ZNF69: variants seen among roughly 807,000 people sequenced by gnomAD.
ZNF69 encodes the protein ZNF3.
A neutral mutation model predicts 50.9 loss-of-function variants in ZNF69; 47 were observed. That is an observed-to-expected ratio of 0.92 (90% confidence interval 0.73 to 1.18). The LOEUF is 1.18. Among genes scored for constraint, ZNF69 ranks in the 50% most tolerant of loss-of-function variants. ZNF69 has a pLI of 0.00. For missense variants in ZNF69, 717 were observed against 675.1 expected, an observed-to-expected ratio of 1.06 and a Z score of -0.69; for synonymous variants, 216 against 223.1, an observed-to-expected ratio of 0.97 and a Z score of 0.29.
chr19:11,965,223 T>A, the ZNF69 span: 1 of 1,613,936 alleles, frequency 6.2e-7, no homozygotes, highest in Non-Finnish European at 8.5e-7. Flanking sequence ...TGCGTGTGCA[T>A]AGCCGGTTGT....
chr19:11,940,287 G>C, the ZNF69 span, among the ~76,000 whole-genome samples: 9 of 152,292 alleles, frequency 5.9e-5, no homozygotes, highest in South Asian at 1.9e-3. Flanking sequence ...GGAATTGGTG[G>C]GTTCTTGGTG....
At chr19:11,969,858 T>C in the ZNF69 span, among the ~76,000 whole-genome samples, 15 of 152,194 alleles carry the variant, frequency 9.9e-5, no homozygotes, top group African/African-American at 3.6e-4. Context: ...CAGGATGTCT[T>C]TGGGATGAGG....
chr19:11,956,999 C>T, the ZNF69 span, among the ~76,000 whole-genome samples: 1 of 152,128 alleles, frequency 6.6e-6, no homozygotes, highest in Admixed American at 6.5e-5. Flanking sequence ...AGATACAGTA[C>T]TCAGTGATGC....
the ZNF69 span, among the ~76,000 whole-genome samples, chr19:11,975,930 C>T: frequency 3.1e-4 from 47 of 151,500 alleles, no homozygotes; most frequent in Non-Finnish European, 5.6e-4. Context: ...TTAGGAATGT[C>T]CCATCTGCCC....
the ZNF69 span, chr19:11,947,089 C>G: frequency 9.2e-6 from 14 of 1,527,240 alleles, no homozygotes; most frequent in Non-Finnish European, 1.2e-5. Context: ...GTTTGGAGTC[C>G]ACAGCATCCT....
At chr19:11,966,772 G>T in the ZNF69 span, among the ~76,000 whole-genome samples, 1 of 152,124 alleles carries the variant, frequency 6.6e-6, no homozygotes, top group Non-Finnish European at 1.5e-5. Flanking sequence ...CAGAGATGCA[G>T]TTGCCTTATT....
the ZNF69 span, among the ~76,000 whole-genome samples, chr19:11,963,074 T>TGAGAGAGAGAGAGAGAGAGAGAGAGAGA: frequency 1.7e-3 from 231 of 134,230 alleles, 1 homozygote; most frequent in African/African-American, 7.4e-3. Flanking sequence ...GGTAGTTTGG[T>TGAGAGAGAGAGAGAGAGAGAGAGAGAGA]GAGAGAGAGA....
In ZNF69 at chr19:11,905,513, C is replaced by G. The variant is rs1972350557; in HGVS notation, c.1116C>G (p.Ala372=). 6.2e-7 allele frequency: 1 copy of G among 1,613,730 alleles called. No homozygotes were observed. Among genetic ancestry groups the G allele is most frequent in the African/African-American group, 1.3e-5 (1 of 74,808 alleles). Residue 372 remains alanine (A), a synonymous_variant, in exon 4 of 4, where the codon GCC becomes GCG. Transcript: ENST00000429654. The part of the protein sequence containing the change: ...CKICGKGFCS[A]NSFQRHEKTH... ...TATGTGGGAAAGGCTTTTGTTCTGC[C>G]AATTCATTTCAAAGACATGAAAAAA...
At chr19:11,918,820 C>A (rs932499378), downstream of ZNF69, among the ~76,000 whole-genome samples, 1 of 151,828 alleles carries the variant, frequency 6.6e-6, no homozygotes. Flanking sequence ...TATTTAAAAT[C>A]TTTAACAACT....
At chr19:11,966,277 G>C in the ZNF69 span, among the ~76,000 whole-genome samples, 19,138 of 152,114 alleles carry the variant, frequency 0.13, 2,212 homozygotes, top group African/African-American at 0.31. Flanking sequence ...TGTCTCACCT[G>C]CCATCCTGTC....
chr19:11,905,570 G>A lies in ZNF69; in HGVS notation c.1173G>A (p.Lys391=), dbSNP rs750554493. Reference sequence around the variant, plus strand: ...GTGGAGAGAAACCCTATAAATGCAAGCAATGTGGTAAAGCCTTCATTCATT... The same window carrying A: ...GTGGAGAGAAACCCTATAAATGCAAACAATGTGGTAAAGCCTTCATTCATT... ...THSGEKPYKC[K]QCGKAFIHSS... Residue 391 remains lysine, a synonymous_variant, in exon 4 of 4, where the codon AAG becomes AAA. Transcript: ENST00000429654. The A allele has an allele frequency of 1.9e-6, 3 of 1,613,646 alleles. No individual in the cohort carries two copies. Among genetic ancestry groups the A allele is most frequent in the African/African-American group, 1.3e-5 (1 of 74,770 alleles).
At chr19:11,896,580 G>C (rs1972126908) in intron 1 of ZNF69, among the ~76,000 whole-genome samples, 2 of 152,122 alleles carry the variant, frequency 1.3e-5, no homozygotes, top group African/African-American at 4.8e-5. Flanking sequence ...CGGCTCTCCT[G>C]TGTCTTCTTA....
chr19:11,924,795 C>G, the ZNF69 span, among the ~76,000 whole-genome samples: 1 of 152,168 alleles, frequency 6.6e-6, no homozygotes, highest in Non-Finnish European at 1.5e-5. Flanking sequence ...TCTGAAATTC[C>G]CTGCACACTC....
At chr19:11,976,957 G>T in the ZNF69 span, 2 of 1,580,624 alleles carry the variant, frequency 1.3e-6, no homozygotes, top group Non-Finnish European at 1.7e-6. Context: ...TGGAGTCCAC[G>T]GCAACTTCTT....
chr19:11,952,935 A>C, the ZNF69 span: 1 of 152,170 alleles, frequency 6.6e-6, no homozygotes, highest in Non-Finnish European at 1.5e-5. Context: ...TTAGCTGGGC[A>C]TCGTGGTGTG....
At chr19:11,976,555 CAAAAA>C in the ZNF69 span, among the ~76,000 whole-genome samples, 10 of 73,824 alleles carry the variant, frequency 1.4e-4, no homozygotes, top group East Asian at 4.0e-3. Context: ...GACTCTGTCT[CAAAAA>C]AAAAAAAAAA....
the ZNF69 span, among the ~76,000 whole-genome samples, chr19:11,974,061 C>CTTCTTTCTTTTCT: frequency 9.1e-4 from 131 of 144,244 alleles, 3 homozygotes; most frequent in African/African-American, 3.1e-3. Context: ...TCTTTCTTTC[C>CTTCTTTCTTTTCT]TTCTTTCTTT....
At chr19:11,974,126 T>TTTCTTTCTTTCTTTCTTTTCTTTC in the ZNF69 span, among the ~76,000 whole-genome samples, 1 of 55,088 alleles carries the variant, frequency 1.8e-5, no homozygotes, top group Non-Finnish European at 4.1e-5. Context: ...TCTTTCTTTC[T>TTTCTTTCTTTCTTTCTTTTCTTTC]TTTCTTTCTT....
Position 11,904,982 on chromosome 19 carries a change from AG to A in ZNF69, c.586del (p.Glu196AsnfsTer17). The part of the protein sequence containing the change: ...HTGEKPYACK[E>X]CGKTFISHSS... ...CTGGAGAGAAACCCTATGCTTGTAAAGAATGTGGAAAAACTTTTATTTCCCA... is the reference window on the plus strand; with the variant it reads ...CTGGAGAGAAACCCTATGCTTGTAAAAATGTGGAAAAACTTTTATTTCCCA... On this transcript the variant is annotated frameshift_variant, in exon 4 of 4. Coordinates refer to ENST00000429654, the MANE Select transcript of ZNF69 (RefSeq NM_001364730.1). LOFTEE classifies it high-confidence loss of function. 1 of 1,613,994 alleles carries A rather than the reference AG, an allele frequency of 6.2e-7. No individual in the cohort carries two copies. Among genetic ancestry groups the A allele is most frequent in the Non-Finnish European group, 8.5e-7 (1 of 1,179,942 alleles).
Sources: gnomAD v4.1 joint callset for allele counts (sites outside exome capture counted in the v4.1 genomes callset) on GRCh38, gnomAD v4.1.1 for gene constraint, MANE v1.5 for transcripts, NCBI Gene and HGNC (gene_info 2026-07-23, HGNC 2026-07-21) for gene names.